Variants in SCN1B observed in about 807,000 individuals in gnomAD.
The protein encoded by SCN1B is sodium voltage-gated channel beta subunit 1, also known as sodium channel regulatory subunit beta-1.
A neutral mutation model predicts 25.7 loss-of-function variants in SCN1B; 11 were observed. The observed-to-expected ratio is 0.43, with a 90% CI of 0.27 to 0.71. SCN1B has a LOEUF of 0.71. Ranked by LOEUF, SCN1B falls within the 30% of genes least tolerant of loss-of-function variation. The pLI is 0.21. For synonymous variants in SCN1B, 119 were observed against 117.5 expected (o/e 1.01, Z -0.08); for missense variants, 224 against 291.5 (o/e 0.77, Z 1.69).
In SCN1B at chr19:35,031,949, G is replaced by A. The variant is rs1237570614; in HGVS notation, c.41-579G>A. Reference sequence around the variant, plus strand: ...TGATGGAGGCAGGAGAGGCCGGGGAGGGGATGGCTCACACAGGGGCTTGTG... The same window carrying A: ...TGATGGAGGCAGGAGAGGCCGGGGAAGGGATGGCTCACACAGGGGCTTGTG... On this transcript the variant is annotated intron_variant, in intron 1 of 5. Transcript: ENST00000262631. 3.9e-5 allele frequency among the ~76,000 whole-genome samples: 6 copies of A among 152,278 alleles called. No homozygotes were observed. The East Asian group carries it at 5.8e-4, about 15-fold the overall frequency.
Position 35,033,310 on chromosome 19 carries a change from G to A in SCN1B, c.208-189G>A, listed in dbSNP as rs56276191. On this transcript the variant is annotated intron_variant, in intron 2 of 5. Transcript: ENST00000262631. Reference sequence around the variant, plus strand: ...GTGCATCTTGGCTAGAGGCAAAAGCGGGGTCTGGTTGACTCCAGGCGTGAT... The same window carrying A: ...GTGCATCTTGGCTAGAGGCAAAAGCAGGGTCTGGTTGACTCCAGGCGTGAT... Among the ~76,000 whole-genome samples, 3,136 of 152,132 alleles carry A rather than the reference G, an allele frequency of 0.021. 113 individuals are homozygous for A. Among genetic ancestry groups the A allele is most frequent in the African/African-American group, 0.072 (2,994 of 41,462 alleles).
chr19:35,039,774 C>T (rs1350465202), intron 5 of SCN1B, 23 bp from the exon 6 acceptor site: 5 of 1,497,400 alleles, frequency 3.3e-6, no homozygotes, highest in Admixed American at 1.7e-5. Context: ...GTCCCTAATT[C>T]CCCCTCTCTT....
At position 35,033,890 on chromosome 19, in the gene SCN1B, C is replaced by A. The variant is rs1060501167; in HGVS notation, c.448+151C>A. 4 of 1,594,770 alleles carry A rather than the reference C, an allele frequency of 2.5e-6. No individual in the cohort carries two copies. In the Admixed American group the frequency reaches 7.1e-5, roughly 28 times the overall value. ...GCTGAGGGGGAGGGGAGCAGCCCCT[C>A]CTGCCCACTCCAGCTCTGGCCTCTG... On this transcript the variant is annotated intron_variant, in intron 3 of 5. Transcript: ENST00000262631.
Position 35,039,856 on chromosome 19 carries a change from G to A in SCN1B, c.*65G>A, listed in dbSNP as rs375124576. The A allele has an allele frequency of 1.3e-6, 1 of 793,076 alleles. No individual in the cohort carries two copies. Among genetic ancestry groups the A allele is most frequent in the South Asian group, 1.7e-5 (1 of 60,492 alleles). The allele number at this position is 793,076 out of a possible 1,614,324, so 49.1% of individuals were successfully genotyped here. A position where few individuals can be genotyped will look rare whatever the true frequency, so the allele number is the denominator to read the frequency against. On this transcript the variant is annotated 3_prime_UTR_variant, in exon 6 of 6. Coordinates refer to ENST00000262631, the MANE Select transcript of SCN1B (RefSeq NM_001037.5). ...AATGGGGACTCTCCAGGCACCGCCT[G>A]CCCCCAGCGTGGGGGTGGCCACTCC...
At position 35,030,870 on chromosome 19, in the gene SCN1B, C is replaced by CG. The variant is rs1380043581; in HGVS notation, c.40+16dup. ...GTCGGCGCGGCACTGGGTGAGTGCGCGGGGGGCGCGCGCGGCCGGGGGGCA... is the reference window on the plus strand; with the variant it reads ...GTCGGCGCGGCACTGGGTGAGTGCGCGGGGGGGCGCGCGCGGCCGGGGGGCA... On this transcript the variant is annotated intron_variant, in intron 1 of 5. Transcript: ENST00000262631. The CG allele has an allele frequency of 4.0e-5, 29 of 724,686 alleles. No individual in the cohort carries two copies. Among genetic ancestry groups the CG allele is most frequent in the East Asian group, 6.8e-5 (1 of 14,632 alleles). 44.9% of individuals were successfully genotyped at this position (724,686 alleles called of 1,614,324 possible).
Position 35,033,479 on chromosome 19 carries a change from C to T in SCN1B, c.208-20C>T. 1 of 1,613,242 alleles carries T rather than the reference C, an allele frequency of 6.2e-7. No homozygotes were observed. The highest frequency in any genetic ancestry group is 2.2e-5 in the East Asian group (1 of 44,866). ...GAGAGGCCCAGGCAGTGACACCTTC[C>T]CCTCCCTGGCTACCCCTAGATCCTG... On this transcript the variant is annotated intron_variant, in intron 2 of 5. Transcript: ENST00000262631.
chr19:35,039,337 A>G, intron 4 of SCN1B, 79 bp downstream of exon 4: 2 of 1,591,958 alleles, frequency 1.3e-6, no homozygotes, highest in Admixed American at 3.3e-5. Context: ...GAGCCCGGGC[A>G]GGGAGGAGGC....
intron 1 of SCN1B, 116 bp downstream of exon 1, chr19:35,030,976 C>G: frequency 5.4e-6 from 1 of 184,384 alleles, no homozygotes; most frequent in Non-Finnish European, 1.1e-5. Flanking sequence ...GGCCCATCCC[C>G]GGGCCCCGCC....
chr19:35,030,827 A>G lies in SCN1B; in HGVS notation c.7A>G (p.Arg3Gly). ...CAGCACGCGCCGCGCAGCCATGGGG[A>G]GGCTGCTGGCCTTAGTGGTCGGCGC... MG[R>G]LLALVVGAAL... Residue 3 changes from arginine (R) to glycine (G), a missense_variant, in exon 1 of 6, where the codon AGG becomes GGG. Physicochemically the swap from Arg to Gly is moderately radical, Grantham distance 125. Coordinates refer to ENST00000262631, the MANE Select transcript of SCN1B (RefSeq NM_001037.5). The G allele has an allele frequency of 9.3e-7, 1 of 1,078,966 alleles. No homozygotes were observed. The highest frequency in any genetic ancestry group is 1.2e-6 in the Non-Finnish European group (1 of 855,936). 66.8% of individuals were successfully genotyped at this position (1,078,966 alleles called of 1,614,324 possible). A position where few individuals can be genotyped will look rare whatever the true frequency, so the allele number is the denominator to read the frequency against.
Position 35,039,839 on chromosome 19 carries a change from C to A in SCN1B, c.*48C>A. 1 of 904,268 alleles carries A rather than the reference C, an allele frequency of 1.1e-6. No homozygotes were observed. Among genetic ancestry groups the A allele is most frequent in the Non-Finnish European group, 1.7e-6 (1 of 580,590 alleles). 56.0% of individuals were successfully genotyped at this position (904,268 alleles called of 1,614,324 possible). A position where few individuals can be genotyped will look rare whatever the true frequency, so the allele number is the denominator to read the frequency against. ...AAGGAAGAGCCAGCCGTAATGGGGA[C>A]TCTCCAGGCACCGCCTGCCCCCAGC... On this transcript the variant is annotated 3_prime_UTR_variant, in exon 6 of 6. Coordinates refer to ENST00000262631, the MANE Select transcript of SCN1B (RefSeq NM_001037.5).
intron 1 of SCN1B, chr19:35,031,502 T>C (rs1443321644): frequency 1.3e-5 from 2 of 151,672 alleles, no homozygotes; most frequent in Non-Finnish European, 2.9e-5. Context: ...GCATGGAGTT[T>C]GAAAAGGGAT....
intron 3 of SCN1B, chr19:35,037,751 G>A (rs960779214): frequency 6.9e-6 from 1 of 145,386 alleles, no homozygotes; most frequent in Non-Finnish European, 1.5e-5. Context: ...TTCAAGACCA[G>A]CCTGGGCAAC....
chr19:35,040,377 A>G lies in SCN1B; in HGVS notation c.*586A>G, dbSNP rs1429938690. On this transcript the variant is annotated 3_prime_UTR_variant, in exon 6 of 6. Coordinates refer to ENST00000262631, the MANE Select transcript of SCN1B (RefSeq NM_001037.5). ...CACCAGCCTTGAACTGTGGCCACCT[A>G]GAAAGGGGCCCATTCAGCCTCGTCT... is the stretch of plus-strand genomic sequence containing the variant. 1.3e-5 allele frequency: 2 copies of G among 154,530 alleles called. No individual in the cohort carries two copies. Among genetic ancestry groups the G allele is most frequent in the East Asian group, 1.9e-4 (1 of 5,204 alleles). 9.6% of individuals were successfully genotyped at this position (154,530 alleles called of 1,614,324 possible). A position where few individuals can be genotyped will look rare whatever the true frequency, so the allele number is the denominator to read the frequency against.
In SCN1B at chr19:35,032,983, T is replaced by TA. The variant is rs1372628126; in HGVS notation, c.207+292dup. On this transcript the variant is annotated intron_variant, in intron 2 of 5. Coordinates refer to ENST00000262631, the MANE Select transcript of SCN1B (RefSeq NM_001037.5). The surrounding 1 kb of genome is among the most constrained non-coding windows in gnomAD (Gnocchi z 4.3). Reference sequence around the variant, plus strand: ...CACCTGGCACACGGTTGGCATGAAATAAATGTCAGTGGACTTATTTGGCAC... The same window carrying TA: ...CACCTGGCACACGGTTGGCATGAAATAAAATGTCAGTGGACTTATTTGGCAC... Among the ~76,000 whole-genome samples the TA allele has an allele frequency of 2.0e-5, 3 of 152,182 alleles. No homozygotes were observed. Among genetic ancestry groups the TA allele is most frequent in the African/African-American group, 7.2e-5 (3 of 41,432 alleles).
chr19:35,034,398 G>A (rs767745946), intron 3 of SCN1B: 7 of 443,446 alleles, frequency 1.6e-5, no homozygotes, highest in Non-Finnish European at 2.9e-5. Flanking sequence ...GGCCACAGGT[G>A]CGGGGCCCAC....
In SCN1B at chr19:35,033,683, A is replaced by C; in HGVS notation, c.392A>C (p.Asn131Thr). The stretch of plus-strand genomic sequence containing the variant: ...GTCTACCGCCTGCTCTTCTTCGAAA[A>C]CTACGAGCACAACACCAGCGTCGTC... ...CHVYRLLFFE[N>T]YEHNTSVVKK... Residue 131 changes from asparagine (N) to threonine (T), a missense_variant, in exon 3 of 6, where the codon AAC becomes ACC. Coordinates refer to ENST00000262631, the MANE Select transcript of SCN1B (RefSeq NM_001037.5). The C allele has an allele frequency of 6.2e-7, 1 of 1,614,116 alleles. No individual in the cohort carries two copies. Among genetic ancestry groups the C allele is most frequent in the South Asian group, 1.1e-5 (1 of 91,074 alleles).
chr19:35,032,531 C>A lies in SCN1B; in HGVS notation c.44C>A (p.Ser15Tyr), dbSNP rs1392159192. 1 of 1,613,774 alleles carries A rather than the reference C, an allele frequency of 6.2e-7. No individual in the cohort carries two copies. Among genetic ancestry groups the A allele is most frequent in the African/African-American group, 1.3e-5 (1 of 75,066 alleles). Reference protein sequence around the residue: ...LALVVGAALVSSACGGCVEVD... With the variant: ...LALVVGAALVYSACGGCVEVD... ...CCTGAGCCTGCTGTCCCCACAGTGT[C>A]CTCAGCCTGCGGGGGCTGCGTGGAG... Residue 15 changes from serine (S) to tyrosine (Y), a missense_variant, in exon 2 of 6, where the codon TCC becomes TAC. This residue lies in a region of SCN1B where 46 missense variants were observed against 35.8 expected (regional missense o/e 1.29). Transcript: ENST00000262631. This position sits in a 1 kb window ranked among gnomAD's most constrained non-coding sequence, Gnocchi z 4.3.
chr19:35,034,190 G>A (rs918914134), intron 3 of SCN1B: 42 of 1,539,612 alleles, frequency 2.7e-5, no homozygotes, highest in Non-Finnish European at 3.6e-5. Flanking sequence ...GGCGAGGGTG[G>A]CGGTTCTTAC....
rs2064219078 is a variant in SCN1B, at chr19:35,032,347, GGAAAC to G, written c.41-180_41-176del. Among the ~76,000 whole-genome samples, 1 of 152,248 alleles carries G rather than the reference GGAAAC, an allele frequency of 6.6e-6. No homozygotes were observed. Among genetic ancestry groups the G allele is most frequent in the Non-Finnish European group, 1.5e-5 (1 of 68,056 alleles). On this transcript the variant is annotated intron_variant, in intron 1 of 5. Coordinates refer to ENST00000262631, the MANE Select transcript of SCN1B (RefSeq NM_001037.5). This position sits in a 1 kb window ranked among gnomAD's most constrained non-coding sequence, Gnocchi z 4.3. ...GACCATTTCTTTCAACAAGAGAGAG[GGAAAC>G]TGAGACTCAGGGATGAATGACTTGC...
Sources: allele counts gnomAD v4.1 joint callset (sites outside exome capture counted in the v4.1 genomes callset), GRCh38; gene constraint gnomAD v4.1.1; regional missense constraint gnomAD v4.1.1; non-coding constraint Gnocchi (gnomAD v3.1); transcripts MANE v1.5; gene names NCBI Gene and HGNC (gene_info 2026-07-23, HGNC 2026-07-21).